The following EFNA5 variants were observed in gnomAD, a reference collection of about 807,000 sequenced individuals.
EFNA5 encodes ephrin A5, also known as ephrin-A5.
In EFNA5, 5 loss-of-function variants were observed where a neutral mutation model predicts 22.9. That is an observed-to-expected ratio of 0.22 (90% confidence interval 0.11 to 0.46). EFNA5 has a LOEUF of 0.46. Ranked by LOEUF, EFNA5 falls within the 20% of genes least tolerant of loss-of-function variation. The pLI is 0.99. For missense variants in EFNA5, 237 were observed against 293.3 expected (o/e 0.81, Z 1.40); for synonymous variants, 113 against 112.2 (o/e 1.01, Z -0.04).
chr5:107,523,404 G>A (rs556623630), intron 1 of EFNA5, among the ~76,000 whole-genome samples: 429 of 152,152 alleles, frequency 2.8e-3, no homozygotes, highest in Non-Finnish European at 5.0e-3. Flanking sequence ...TGCTTTGCAA[G>A]CAGACATACC....
intron 1 of EFNA5, among the ~76,000 whole-genome samples, chr5:107,631,117 C>G (rs560355963): frequency 8.7e-4 from 132 of 152,052 alleles, no homozygotes; most frequent in Non-Finnish European, 1.7e-3. Flanking sequence ...AGATTATACT[C>G]AAAAATAATG....
intron 1 of EFNA5, among the ~76,000 whole-genome samples, chr5:107,549,509 T>A (rs752883796): frequency 6.6e-6 from 1 of 152,242 alleles, no homozygotes. Context: ...GAGAGAAGTA[T>A]CCAGTCCCTA....
intron 1 of EFNA5, among the ~76,000 whole-genome samples, chr5:107,615,305 A>G (rs1282277364): frequency 2.6e-5 from 4 of 152,144 alleles, no homozygotes; most frequent in Admixed American, 6.5e-5. Context: ...TAGGGTTTCA[A>G]TCTTCTCTCT....
At chr5:107,443,915 T>A (rs1256766822) in intron 1 of EFNA5, among the ~76,000 whole-genome samples, 2 of 152,180 alleles carry the variant, frequency 1.3e-5, no homozygotes, top group African/African-American at 4.8e-5. Flanking sequence ...GGTGTAAATG[T>A]AAAGTACACT....
In EFNA5 at chr5:107,592,090, T is replaced by A. The variant is rs868778373; in HGVS notation, c.125+78399A>T. Among the ~76,000 whole-genome samples the A allele has an allele frequency of 5.3e-4, 42 of 78,650 alleles. 1 individual carries two copies. In the South Asian group the frequency reaches 0.012, roughly 22 times the overall value. 51.6% of individuals were successfully genotyped at this position (78,650 alleles called of 152,430 possible). A position where few individuals can be genotyped will look rare whatever the true frequency, so the allele number is the denominator to read the frequency against. ...ATAATAATAATAAATTATTAATTTTTAATAAAAATATATTTTATATATATT... is the reference window on the plus strand; with the variant it reads ...ATAATAATAATAAATTATTAATTTTAAATAAAAATATATTTTATATATATT... On this transcript the variant is annotated intron_variant, in intron 1 of 4. Transcript: ENST00000333274.
intron 1 of EFNA5, among the ~76,000 whole-genome samples, chr5:107,590,164 G>T (rs1024580872): frequency 6.6e-6 from 1 of 152,068 alleles, no homozygotes; most frequent in Non-Finnish European, 1.5e-5. Context: ...GTAAGAGGAC[G>T]AAAGAAATGG....
Position 107,556,753 on chromosome 5 carries a change from A to AAAATAAAT in EFNA5, c.125+113728_125+113735dup, listed in dbSNP as rs35945658. 5.4e-3 allele frequency among the ~76,000 whole-genome samples: 657 copies of AAAATAAAT among 122,682 alleles called. 10 individuals carry two copies. Among genetic ancestry groups the AAAATAAAT allele is most frequent in the Admixed American group, 3.9e-3 (47 of 11,946 alleles). The allele number at this position is 122,682 out of a possible 152,430, so 80.5% of individuals were successfully genotyped here. A position where few individuals can be genotyped will look rare whatever the true frequency, so the allele number is the denominator to read the frequency against. Reference sequence around the variant, plus strand: ...AGGAGCAAAATTCCATCTCAAAATAAAAATAAATAAATAAATAAATAAATA... The same window carrying AAAATAAAT: ...AGGAGCAAAATTCCATCTCAAAATAAAAATAAATAAATAAATAAATAAATAAATAAATA... On this transcript the variant is annotated intron_variant, in intron 1 of 4. Coordinates refer to ENST00000333274, the MANE Select transcript of EFNA5 (RefSeq NM_001962.3).
At chr5:107,479,073 A>T (rs991161713) in intron 1 of EFNA5, among the ~76,000 whole-genome samples, 1 of 152,228 alleles carries the variant, frequency 6.6e-6, no homozygotes, top group Non-Finnish European at 1.5e-5. Context: ...GAATGACATT[A>T]TGAATAAAAA....
At chr5:107,382,835 G>C (rs1029728027) in intron 4 of EFNA5, among the ~76,000 whole-genome samples, 12 of 152,102 alleles carry the variant, frequency 7.9e-5, no homozygotes, top group African/African-American at 2.7e-4. Context: ...AGGCTCTAGT[G>C]GTTGTTCTCA....
intron 1 of EFNA5, among the ~76,000 whole-genome samples, chr5:107,442,089 T>C (rs1749270738): frequency 6.6e-6 from 1 of 152,168 alleles, no homozygotes; most frequent in African/African-American, 2.4e-5. Context: ...TGGCTTTGTA[T>C]CCTAGACACT....
At chr5:107,454,660 AT>A (rs1191835581) in intron 1 of EFNA5, among the ~76,000 whole-genome samples, 1 of 152,144 alleles carries the variant, frequency 6.6e-6, no homozygotes, top group Non-Finnish European at 1.5e-5. Flanking sequence ...AAATACTAAC[AT>A]TTTTTAGTGC....
intron 1 of EFNA5, among the ~76,000 whole-genome samples, chr5:107,652,220 GT>G (rs1208331167): frequency 6.6e-6 from 1 of 152,050 alleles, no homozygotes; most frequent in Non-Finnish European, 1.5e-5. Context: ...ACTACTTTCT[GT>G]TTATTCCCCA....
At chr5:107,526,001 G>C (rs1439908448) in intron 1 of EFNA5, among the ~76,000 whole-genome samples, 1 of 152,086 alleles carries the variant, frequency 6.6e-6, no homozygotes, top group Non-Finnish European at 1.5e-5. Context: ...TACTATAGAA[G>C]ATATTTATGA....
intron 1 of EFNA5, among the ~76,000 whole-genome samples, chr5:107,435,315 CTTTTTTTTTTT>C (rs3999107): frequency 9.6e-6 from 1 of 104,666 alleles, no homozygotes; most frequent in Non-Finnish European, 1.9e-5. Context: ...TGAAGATGCT[CTTTTTTTTTTT>C]TTTTTTTTTT....
At chr5:107,445,269 T>G (rs1188819214) in intron 1 of EFNA5, among the ~76,000 whole-genome samples, 2 of 152,160 alleles carry the variant, frequency 1.3e-5, no homozygotes, top group African/African-American at 4.8e-5. Flanking sequence ...GTGATCTGCC[T>G]GGCTGGGCCT....
intron 1 of EFNA5, among the ~76,000 whole-genome samples, chr5:107,471,982 A>G (rs1750153208): frequency 6.6e-6 from 1 of 152,224 alleles, no homozygotes; most frequent in Non-Finnish European, 1.5e-5. Flanking sequence ...TAACTGCTAT[A>G]TTGTTTCAAA....
intron 4 of EFNA5, 49 bp downstream of exon 4, chr5:107,387,186 C>A (rs372261989): frequency 5.3e-6 from 7 of 1,318,448 alleles, no homozygotes; most frequent in Non-Finnish European, 7.5e-6. Context: ...TACGGAAGCA[C>A]CAGAGAAATA....
intron 1 of EFNA5, among the ~76,000 whole-genome samples, chr5:107,656,630 C>A (rs1054209614): frequency 6.6e-6 from 1 of 151,896 alleles, no homozygotes; most frequent in African/African-American, 2.4e-5. Flanking sequence ...TCTCTATTTC[C>A]CCCCCAATTT....
chr5:107,597,175 T>C (rs1749490734), intron 1 of EFNA5, among the ~76,000 whole-genome samples: 1 of 152,166 alleles, frequency 6.6e-6, no homozygotes, highest in African/African-American at 2.4e-5. Flanking sequence ...AAATATTTAG[T>C]AAAGGGAATA....
Sources: gnomAD v4.1 joint callset for allele counts (sites outside exome capture counted in the v4.1 genomes callset) on GRCh38, gnomAD v4.1.1 for gene constraint, MANE v1.5 for transcripts, NCBI Gene and HGNC (gene_info 2026-07-23, HGNC 2026-07-21) for gene names.